The following DLG2 variants were observed in gnomAD, a reference collection of about 807,000 sequenced individuals.
DLG2 encodes the protein disks large homolog 2.
In DLG2, 45 loss-of-function variants were observed where a neutral mutation model predicts 132.5. That is an observed-to-expected ratio of 0.34 (90% CI 0.27 to 0.44). The LOEUF is 0.44. DLG2 is among the 20% of genes least tolerant of loss of function. DLG2 has a pLI of 1.00. For synonymous variants in DLG2, 424 were observed against 419.6 expected, an observed-to-expected ratio of 1.01 and a Z score of -0.13; for missense variants, 1,045 against 1,196.9, an observed-to-expected ratio of 0.87 and a Z score of 1.87.
At position 84,109,094 on chromosome 11, in the gene DLG2, G is replaced by GA. The variant is rs1216860399; in HGVS notation, c.625-10048dup. 4.7e-5 allele frequency among the ~76,000 whole-genome samples: 7 copies of GA among 150,016 alleles called. No homozygotes were observed. In the East Asian group the frequency reaches 7.8e-4, roughly 17 times the overall value. ...ATATGTTGGTGTTAATGGAGAGAAA[G>GA]AAAAAAAATACTTACATCGTCAAAA... On this transcript the variant is annotated intron_variant, in intron 9 of 27. Coordinates refer to ENST00000376104, the MANE Select transcript of DLG2 (RefSeq NM_001142699.3).
chr11:84,727,869 G>A (rs1293068591), intron 6 of DLG2, among the ~76,000 whole-genome samples: 1 of 152,102 alleles, frequency 6.6e-6, no homozygotes, highest in Non-Finnish European at 1.5e-5. Context: ...ATTGTGAATA[G>A]GAGTTAACTC....
At chr11:83,648,675 G>T (rs2069036308) in intron 18 of DLG2, among the ~76,000 whole-genome samples, 1 of 152,136 alleles carries the variant, frequency 6.6e-6, no homozygotes, top group Non-Finnish European at 1.5e-5. Flanking sequence ...GAATATATGG[G>T]ATTAATATTA....
rs1194980309 is a variant in DLG2, at chr11:83,458,597, A to AAAAC, written c.*1217_*1220dup. The AAAAC allele has an allele frequency of 2.0e-5, 3 of 152,410 alleles. No individual in the cohort carries two copies. The highest frequency in any genetic ancestry group is 4.4e-5 in the Non-Finnish European group (3 of 68,042). The allele number at this position is 152,410 out of a possible 1,614,324, so 9.4% of individuals were successfully genotyped here. On this transcript the variant is annotated 3_prime_UTR_variant, in exon 28 of 28. Coordinates refer to ENST00000376104, the MANE Select transcript of DLG2 (RefSeq NM_001142699.3). ...GTTACAAAACTCTCAGTTACTCTGT[A>AAAAC]AAACAAAAAGGTACTAATCCTAATT...
chr11:84,059,584 A>C (rs2096558467), intron 10 of DLG2, 100 bp from the exon 11 acceptor site: 1 of 952,992 alleles, frequency 1.0e-6, no homozygotes, highest in East Asian at 3.0e-5. Flanking sequence ...GAAAGTAAAG[A>C]ATCTAAAAAA....
chr11:84,209,934 A>T (rs2096729183), intron 8 of DLG2, among the ~76,000 whole-genome samples: 2 of 152,220 alleles, frequency 1.3e-5, no homozygotes, highest in African/African-American at 4.8e-5. Context: ...TTCTTATAAC[A>T]GTTAAACATA....
intron 3 of DLG2, among the ~76,000 whole-genome samples, chr11:85,495,483 G>C (rs1452435384): frequency 6.6e-6 from 1 of 152,076 alleles, no homozygotes; most frequent in Non-Finnish European, 1.5e-5. Context: ...GATATGAATA[G>C]ACACTTCTCA....
At chr11:83,951,371 T>G (rs887538587) in intron 14 of DLG2, among the ~76,000 whole-genome samples, 1 of 151,982 alleles carries the variant, frequency 6.6e-6, no homozygotes, top group African/African-American at 2.4e-5. Context: ...CAGTACAGGA[T>G]GACAGACAAC....
intron 4 of DLG2, among the ~76,000 whole-genome samples, chr11:85,205,078 TAACA>T (rs1190485512): frequency 6.6e-6 from 1 of 150,394 alleles, no homozygotes; most frequent in African/African-American, 2.4e-5. Flanking sequence ...ACTATAAAAC[TAACA>T]AACTAAATGT....
intron 18 of DLG2, among the ~76,000 whole-genome samples, chr11:83,777,618 T>A (rs2094635897): frequency 6.6e-6 from 1 of 152,202 alleles, no homozygotes; most frequent in African/African-American, 2.4e-5. Context: ...AACAGTAAGT[T>A]GTTAATCCTG....
intron 3 of DLG2, among the ~76,000 whole-genome samples, chr11:85,456,268 T>C (rs920419264): frequency 6.6e-6 from 1 of 152,186 alleles, no homozygotes; most frequent in African/African-American, 2.4e-5. Context: ...GTGCTCATAG[T>C]AGTTCTGATG....
chr11:83,921,321 TAAAAC>T, intron 15 of DLG2, among the ~76,000 whole-genome samples: 1 of 152,228 alleles, frequency 6.6e-6, no homozygotes, highest in East Asian at 1.9e-4. Flanking sequence ...AAATGATAAA[TAAAAC>T]AAAACTTCTG....
chr11:85,467,956 G>A (rs1187441361), intron 3 of DLG2, among the ~76,000 whole-genome samples: 1 of 151,972 alleles, frequency 6.6e-6, no homozygotes, highest in Non-Finnish European at 1.5e-5. Flanking sequence ...TTTTTTGGTT[G>A]GTAGGCTATT....
At chr11:84,790,571 G>A (rs1001455722) in intron 6 of DLG2, among the ~76,000 whole-genome samples, 8 of 152,070 alleles carry the variant, frequency 5.3e-5, no homozygotes, top group African/African-American at 1.7e-4. Context: ...CTTTGCTGTT[G>A]AGAAGCTTTT....
intron 19 of DLG2, among the ~76,000 whole-genome samples, chr11:83,599,395 C>T (rs2058151440): frequency 6.6e-6 from 1 of 152,158 alleles, no homozygotes; most frequent in Non-Finnish European, 1.5e-5. Context: ...TATCCAGCTT[C>T]CTCTGATTGG....
intron 10 of DLG2, among the ~76,000 whole-genome samples, chr11:84,070,059 C>CA (rs1426073567): frequency 7.9e-5 from 12 of 152,210 alleles, no homozygotes; most frequent in African/African-American, 2.9e-4. Context: ...TTCAAACACA[C>CA]AAAACCAGGT....
chr11:83,916,472 T>G (rs910029401), intron 15 of DLG2, among the ~76,000 whole-genome samples: 1 of 151,948 alleles, frequency 6.6e-6, no homozygotes, highest in Non-Finnish European at 1.5e-5. Context: ...CATGACAGTA[T>G]GCCTGGCTAA....
intron 6 of DLG2, among the ~76,000 whole-genome samples, chr11:84,940,651 T>G (rs910249239): frequency 1.3e-5 from 2 of 152,236 alleles, no homozygotes; most frequent in Non-Finnish European, 2.9e-5. Flanking sequence ...ATGGGTAGTT[T>G]GCAAACATTT....
chr11:85,190,944 T>G (rs767068270), intron 4 of DLG2, among the ~76,000 whole-genome samples: 4 of 152,190 alleles, frequency 2.6e-5, no homozygotes, highest in Admixed American at 6.5e-5. Context: ...GAAAGTACTC[T>G]GGATATTTCT....
chr11:84,088,198 C>G (rs1439368632), intron 10 of DLG2, among the ~76,000 whole-genome samples: 1 of 152,098 alleles, frequency 6.6e-6, no homozygotes, highest in Non-Finnish European at 1.5e-5. Context: ...GAAACCACTT[C>G]CTAAACCAAG....
Sources: allele counts gnomAD v4.1 joint callset (sites outside exome capture counted in the v4.1 genomes callset), GRCh38; gene constraint gnomAD v4.1.1; transcripts MANE v1.5; gene names NCBI Gene and HGNC (gene_info 2026-07-23, HGNC 2026-07-21).